The following APP variants were observed in gnomAD, a reference collection of about 807,000 sequenced individuals.
APP encodes amyloid beta precursor protein, also known as amyloid-beta precursor protein.
Under a neutral mutation model 101.4 loss-of-function variants are expected in APP, and 31 were observed. The observed-to-expected ratio is 0.31, with a 90% CI of 0.23 to 0.41. The LOEUF is 0.41. APP is among the 10% of genes least tolerant of loss of function. The pLI, the probability that APP is intolerant of heterozygous loss-of-function variation, is 1.00. For synonymous variants in APP, 366 were observed against 364.4 expected (o/e 1.00, Z -0.05); for missense variants, 839 against 1,003.7 (o/e 0.84, Z 2.22).
At chr21:26,053,713 T>C (rs1207145009) in intron 3 of APP, among the ~76,000 whole-genome samples, 1 of 152,222 alleles carries the variant, frequency 6.6e-6, no homozygotes, top group Admixed American at 6.5e-5. Context: ...TAGGTAAGCA[T>C]TTGAGCAGAA....
chr21:26,062,226 A>ACACACACACACAC (rs1555861786), intron 3 of APP, among the ~76,000 whole-genome samples: 7 of 86,386 alleles, frequency 8.1e-5, no homozygotes, highest in African/African-American at 2.5e-4. Context: ...CAAACAAACA[A>ACACACACACACAC]ACAAACACAC....
Position 26,118,564 on chromosome 21 carries a change from G to A in APP, c.58-6418C>T, listed in dbSNP as rs373496000. Among the ~76,000 whole-genome samples the A allele has an allele frequency of 4.6e-5, 7 of 152,050 alleles. No homozygotes were observed. In the East Asian group the frequency reaches 1.2e-3, roughly 25 times the overall value. On this transcript the variant is annotated intron_variant, in intron 1 of 17. Transcript: ENST00000346798. Reference sequence around the variant, plus strand: ...TTCTGTGTGTCTTTTGTTTTGTTTCGTTTTCTGAGACAGAGTCTTGCTCAG... The same window carrying A: ...TTCTGTGTGTCTTTTGTTTTGTTTCATTTTCTGAGACAGAGTCTTGCTCAG...
intron 2 of APP, among the ~76,000 whole-genome samples, chr21:26,097,128 A>G (rs2061959927): frequency 6.6e-6 from 1 of 152,194 alleles, no homozygotes; most frequent in Admixed American, 6.5e-5. Flanking sequence ...CCCGGCTTGC[A>G]TGCTAGTTCA....
At chr21:25,953,342 A>T (rs1457840138) in intron 13 of APP, among the ~76,000 whole-genome samples, 1 of 152,216 alleles carries the variant, frequency 6.6e-6, no homozygotes, top group Admixed American at 6.5e-5. Context: ...ACAGCAATAC[A>T]AACAATATTT....
intron 6 of APP, among the ~76,000 whole-genome samples, chr21:26,016,679 C>T (rs1443321872): frequency 6.6e-6 from 1 of 152,130 alleles, no homozygotes; most frequent in Non-Finnish European, 1.5e-5. Context: ...TCAAGCGATT[C>T]TCCTGCCTCA....
intron 3 of APP, among the ~76,000 whole-genome samples, chr21:26,084,848 CTGT>C: frequency 6.6e-6 from 1 of 152,150 alleles, no homozygotes; most frequent in East Asian, 1.9e-4. Flanking sequence ...TTTTCCCATA[CTGT>C]ATGTATAAAG....
At chr21:26,138,309 T>C (rs900981434) in intron 1 of APP, among the ~76,000 whole-genome samples, 1 of 152,084 alleles carries the variant, frequency 6.6e-6, no homozygotes, top group African/African-American at 2.4e-5. Flanking sequence ...AGTTTTAAAA[T>C]CTTCTTAGAG....
chr21:25,968,351 G>T (rs988332903), intron 11 of APP, among the ~76,000 whole-genome samples: 1 of 135,132 alleles, frequency 7.4e-6, no homozygotes, highest in African/African-American at 2.9e-5. Flanking sequence ...TGTAGAGATA[G>T]GGCCTTTCTA....
chr21:25,975,338 G>T lies in APP; in HGVS notation c.1300-110C>A, dbSNP rs1303716871. 3.6e-6 allele frequency: 5 copies of T among 1,397,112 alleles called. No homozygotes were observed. The Admixed American group carries it at 8.9e-5, about 25-fold the overall frequency. 86.5% of individuals were successfully genotyped at this position (1,397,112 alleles called of 1,614,324 possible). A position where few individuals can be genotyped will look rare whatever the true frequency, so the allele number is the denominator to read the frequency against. ...TTCCATTTTCTTCTAGTGCTAAAAA[G>T]TATCCTAAAGACTGCATAGTCATTC... On this transcript the variant is annotated intron_variant, in intron 10 of 17. Transcript: ENST00000346798.
At chr21:26,125,341 T>A (rs1350230573) in intron 1 of APP, among the ~76,000 whole-genome samples, 1 of 152,200 alleles carries the variant, frequency 6.6e-6, no homozygotes, top group African/African-American at 2.4e-5. Context: ...TTGATTGGTA[T>A]AAAGACAACT....
rs989595509 is a variant in APP at position 25,882,024 on chromosome 21, T to G, written c.2212-253A>C. Among the ~76,000 whole-genome samples, 4 of 152,228 alleles carry G rather than the reference T, an allele frequency of 2.6e-5. No homozygotes were observed. The East Asian group carries it at 7.7e-4, about 29-fold the overall frequency. On this transcript the variant is annotated intron_variant, in intron 17 of 17. Transcript: ENST00000346798. ...GCGCTTGCAACGTGTCCAGTGGTTGTTTCTGGTTCCCCAACTCCACAGTAA... is the reference window on the plus strand; with the variant it reads ...GCGCTTGCAACGTGTCCAGTGGTTGGTTCTGGTTCCCCAACTCCACAGTAA...
At chr21:26,063,800 T>C (rs2046360675) in intron 3 of APP, among the ~76,000 whole-genome samples, 1 of 152,210 alleles carries the variant, frequency 6.6e-6, no homozygotes, top group African/African-American at 2.4e-5. Flanking sequence ...GCTCCTTAAT[T>C]GTGGGCTGTG....
At chr21:25,882,660 C>T (rs1016119822) in intron 17 of APP, among the ~76,000 whole-genome samples, 5 of 151,910 alleles carry the variant, frequency 3.3e-5, no homozygotes, top group South Asian at 2.1e-4. Context: ...TACCTCTCCC[C>T]GTTCGCAGAA....
At chr21:26,009,625 T>C (rs2043694720) in intron 6 of APP, 1 of 150,108 alleles carries the variant, frequency 6.7e-6, no homozygotes. Context: ...AATCTCGCTC[T>C]GTCACCCAGG....
intron 1 of APP, among the ~76,000 whole-genome samples, chr21:26,140,612 C>T (rs2063022870): frequency 6.6e-6 from 1 of 152,240 alleles, no homozygotes; most frequent in African/African-American, 2.4e-5. Context: ...TCTGGCAAAA[C>T]AGCTAGAATC....
At chr21:25,955,556 C>T in intron 12 of APP, 71 bp downstream of exon 12, 1 of 1,610,262 alleles carries the variant, frequency 6.2e-7, no homozygotes, top group African/African-American at 1.3e-5. Flanking sequence ...GCGTGGGATC[C>T]TGTCACCAAC....
At chr21:26,165,663 C>T (rs1322266512) in intron 1 of APP, among the ~76,000 whole-genome samples, 1 of 152,164 alleles carries the variant, frequency 6.6e-6, no homozygotes, top group Non-Finnish European at 1.5e-5. Flanking sequence ...TCTCATCTTC[C>T]CCATTTTAAC....
rs758637653 is a variant in APP, at chr21:26,051,129, T to A, written c.533A>T (p.Lys178Met). The change falls in exon 5 of 18, where the codon AAG becomes ATG. Residue 178 changes from lysine (K) to methionine (M), a missense_variant. Physicochemically the swap from Lys to Met is moderately conservative, Grantham distance 95. Coordinates refer to ENST00000346798, the MANE Select transcript of APP (RefSeq NM_000484.4). ...ACACACAAACTCTACCCCTCGGAACTTGTCAATTCCGCAGGGCAGCAACAT... is the reference window on the plus strand; with the variant it reads ...ACACACAAACTCTACCCCTCGGAACATGTCAATTCCGCAGGGCAGCAACAT... The part of the protein sequence containing the change: ...YGMLLPCGID[K>M]FRGVEFVCCP... 1.9e-6 allele frequency: 3 copies of A among 1,614,176 alleles called. No individual in the cohort carries two copies. Among genetic ancestry groups the A allele is most frequent in the Non-Finnish European group, 2.5e-6 (3 of 1,180,024 alleles).
chr21:25,884,940 G>C (rs1291418562), intron 17 of APP, among the ~76,000 whole-genome samples: 1 of 152,226 alleles, frequency 6.6e-6, no homozygotes, highest in Non-Finnish European at 1.5e-5. Flanking sequence ...TGCCCTGCTA[G>C]AGATGCGAGG....
Sources: allele counts gnomAD v4.1 joint callset (sites outside exome capture counted in the v4.1 genomes callset), GRCh38; gene constraint gnomAD v4.1.1; transcripts MANE v1.5; gene names NCBI Gene and HGNC (gene_info 2026-07-23, HGNC 2026-07-21).